LINGO2: variants seen among roughly 807,000 people sequenced by gnomAD.
LINGO2 encodes the protein leucine rich repeat and Ig domain containing 2.
LINGO2 carries 14 observed loss-of-function variants against 30.6 expected under a neutral mutation model. The ratio of observed to expected loss-of-function variants is 0.46; its 90% confidence interval spans 0.30 to 0.72. The LOEUF (loss-of-function observed/expected upper bound fraction) is 0.72, where lower values mean the gene tolerates loss of function less well. Among genes scored for constraint, LINGO2 ranks in the 30% least tolerant of loss-of-function variants. The probability of loss-of-function intolerance (pLI) is 0.07; values close to 1 mark genes in which losing one functional copy is unlikely to be tolerated. For missense variants in LINGO2, 729 were observed against 751.7 expected (o/e 0.97, Z 0.35); for synonymous variants, 317 against 288.5 (o/e 1.10, Z -1.00).
rs535974519 is a variant in LINGO2 at position 27,987,509 on chromosome 9, C to G, written c.-36+24846G>C. Among the ~76,000 whole-genome samples the G allele has an allele frequency of 8.6e-5, 13 of 151,894 alleles. No individual in the cohort carries two copies. The East Asian group carries it at 2.1e-3, about 25-fold the overall frequency. ...TCTAGCTTTGTAAGTACTGTACCCC[C>G]CAAACAGCTAAGACAATAGCTCTAG... is the stretch of plus-strand genomic sequence containing the variant. On this transcript the variant is annotated intron_variant, in intron 5 of 5. Coordinates refer to ENST00000379992, the Ensembl canonical transcript of LINGO2.
chr9:28,375,107 CACACACACACACACACACACACACACAT>C (rs1294774291), intron 2 of LINGO2, among the ~76,000 whole-genome samples: 19 of 52,534 alleles, frequency 3.6e-4, no homozygotes, highest in African/African-American at 7.6e-4. Context: ...CACACACACA[CACACACACACACACACACACACACACAT>C]ACACCCCACA....
intron 1 of LINGO2, among the ~76,000 whole-genome samples, chr9:28,633,470 G>A (rs1827098701): frequency 6.6e-6 from 1 of 151,966 alleles, no homozygotes; most frequent in African/African-American, 2.4e-5. Context: ...TATAAGAAGA[G>A]GTTTTACATA....
intron 4 of LINGO2, among the ~76,000 whole-genome samples, chr9:28,109,431 A>C (rs1049673645): frequency 7.9e-5 from 12 of 152,174 alleles, no homozygotes. Flanking sequence ...TGGGTATTCA[A>C]ATAGGAAGAG....
intron 1 of LINGO2, among the ~76,000 whole-genome samples, chr9:28,513,196 G>A (rs138244343): frequency 1.3e-5 from 2 of 152,132 alleles, no homozygotes; most frequent in Admixed American, 1.3e-4. Flanking sequence ...ACAATTGGCA[G>A]ATGTAGGTAT....
At chr9:28,371,549 T>C (rs957091202) in intron 3 of LINGO2, among the ~76,000 whole-genome samples, 1 of 152,194 alleles carries the variant, frequency 6.6e-6, no homozygotes, top group Admixed American at 6.5e-5. Flanking sequence ...AAAGGCTTCA[T>C]TGCCTAAGAC....
chr9:28,080,523 T>G (rs1420298002), intron 4 of LINGO2: 3 of 152,200 alleles, frequency 2.0e-5, no homozygotes, highest in African/African-American at 7.2e-5. Flanking sequence ...TAATACCTCC[T>G]TAAAAAAAAT....
At chr9:28,531,445 T>A (rs1021584240) in intron 1 of LINGO2, among the ~76,000 whole-genome samples, 3 of 152,182 alleles carry the variant, frequency 2.0e-5, no homozygotes, top group African/African-American at 7.2e-5. Context: ...TATCCCTTTT[T>A]TCTAGTTATG....
At chr9:28,871,308 T>C in the LINGO2 span, among the ~76,000 whole-genome samples, 3 of 151,372 alleles carry the variant, frequency 2.0e-5, no homozygotes, top group African/African-American at 7.3e-5. Context: ...AATTAAACAA[T>C]AGAACAATAT....
the LINGO2 span, among the ~76,000 whole-genome samples, chr9:29,030,727 C>T: frequency 6.6e-6 from 1 of 152,170 alleles, no homozygotes; most frequent in Non-Finnish European, 1.5e-5. Flanking sequence ...GGGTTTCCCA[C>T]TGTAAAGATT....
At chr9:28,797,359 T>TATATATATATAGAGAGAGAG in the LINGO2 span, among the ~76,000 whole-genome samples, 15 of 34,210 alleles carry the variant, frequency 4.4e-4, no homozygotes, top group African/African-American at 9.6e-4. Context: ...TATATATATA[T>TATATATATATAGAGAGAGAG]AGAGAGAGAG....
At chr9:28,017,221 C>G (rs1326518708) in intron 4 of LINGO2, among the ~76,000 whole-genome samples, 1 of 152,118 alleles carries the variant, frequency 6.6e-6, no homozygotes, top group East Asian at 1.9e-4. Flanking sequence ...ATGACAAACC[C>G]ACAGCCAACA....
chr9:28,154,587 T>C (rs760444901), intron 4 of LINGO2, among the ~76,000 whole-genome samples: 16 of 152,188 alleles, frequency 1.1e-4, no homozygotes, highest in Non-Finnish European at 2.2e-4. Context: ...ACTTTCCACC[T>C]ATTAAATCTC....
chr9:28,117,770 C>G lies in LINGO2; in HGVS notation c.-86-105365G>C, dbSNP rs932749221. ...GGCAATGCCTTGCCCTGCTTCGGCT[C>G]GCGGACGGTGCGCACACACACTGGC... is the stretch of plus-strand genomic sequence containing the variant. On this transcript the variant is annotated intron_variant, in intron 4 of 5. Transcript: ENST00000379992. Among the ~76,000 whole-genome samples, 314 of 149,122 alleles carry G rather than the reference C, an allele frequency of 2.1e-3. 4 individuals carry two copies. The highest frequency in any genetic ancestry group is 5.1e-3 in the African/African-American group (207 of 40,830).
chr9:28,294,528 G>C (rs1823855076), intron 4 of LINGO2, among the ~76,000 whole-genome samples: 1 of 152,132 alleles, frequency 6.6e-6, no homozygotes, highest in African/African-American at 2.4e-5. Context: ...TATGTTGTAG[G>C]GGAGGAAGCG....
chr9:28,057,156 G>T (rs1033610930), intron 4 of LINGO2, among the ~76,000 whole-genome samples: 3 of 152,054 alleles, frequency 2.0e-5, no homozygotes, highest in Non-Finnish European at 4.4e-5. Flanking sequence ...AACCCAAGAT[G>T]TCTATGCCTG....
At chr9:28,225,883 C>A (rs1003178909) in intron 4 of LINGO2, among the ~76,000 whole-genome samples, 1 of 152,020 alleles carries the variant, frequency 6.6e-6, no homozygotes, top group East Asian at 1.9e-4. Flanking sequence ...AAACAAATGG[C>A]CATTTTGAAT....
At chr9:28,947,087 C>T in the LINGO2 span, among the ~76,000 whole-genome samples, 1 of 151,988 alleles carries the variant, frequency 6.6e-6, no homozygotes, top group Admixed American at 6.6e-5. Flanking sequence ...AAACAAATGT[C>T]TTCTATGTAA....
At position 28,059,176 on chromosome 9, in the gene LINGO2, C is replaced by T. The variant is rs1386205423; in HGVS notation, c.-86-46771G>A. On this transcript the variant is annotated intron_variant, in intron 4 of 5. Coordinates refer to ENST00000379992, the Ensembl canonical transcript of LINGO2. ...CTTCTAGCCCTAGATCGATTGTATT[C>T]CCATTATCTCAAATAGCAGAACATG... 3.3e-5 allele frequency among the ~76,000 whole-genome samples: 5 copies of T among 151,980 alleles called. No homozygotes were observed. The East Asian group carries it at 7.7e-4, about 23-fold the overall frequency.
At chr9:28,157,487 C>T (rs1299894895) in intron 4 of LINGO2, among the ~76,000 whole-genome samples, 1 of 152,212 alleles carries the variant, frequency 6.6e-6, no homozygotes, top group Non-Finnish European at 1.5e-5. Context: ...GCCATGAAGG[C>T]CTCTGACGTG....
Sources: allele counts gnomAD v4.1 joint callset (sites outside exome capture counted in the v4.1 genomes callset), GRCh38; gene constraint gnomAD v4.1.1; transcripts MANE v1.5; gene names NCBI Gene and HGNC (gene_info 2026-07-23, HGNC 2026-07-21).